Variants in TEX2 observed in about 807,000 individuals in gnomAD.
The protein encoded by TEX2 is testis-expressed protein 2.
TEX2 carries 53 observed loss-of-function variants against 106.9 expected under a neutral mutation model. The observed-to-expected ratio is 0.50, with a 90% CI of 0.40 to 0.62. The LOEUF (loss-of-function observed/expected upper bound fraction) is 0.62. TEX2 is among the 20% of genes least tolerant of loss of function. The pLI, the probability that TEX2 is intolerant of heterozygous loss-of-function variation, is 0.00. For synonymous variants in TEX2, 523 were observed against 534.8 expected, an observed-to-expected ratio of 0.98 and a Z score of 0.30; for missense variants, 1,207 against 1,379.0, an observed-to-expected ratio of 0.88 and a Z score of 1.98.
In TEX2 at chr17:64,185,710, G is replaced by A. The variant is rs1027641577; in HGVS notation, c.2424+2458C>T. Among the ~76,000 whole-genome samples the A allele has an allele frequency of 6.6e-5, 10 of 152,132 alleles. No individual in the cohort carries two copies. Among genetic ancestry groups the A allele is most frequent in the African/African-American group, 2.4e-4 (10 of 41,418 alleles). On this transcript the variant is annotated intron_variant, in intron 5 of 11. Coordinates refer to ENST00000584379, the MANE Select transcript of TEX2 (RefSeq NM_001288732.2). The surrounding 1 kb of genome is among the most constrained non-coding windows in gnomAD (Gnocchi z 4.0). ...GGCCGAGGAGAGTGGATCACCAGAGGTCAGGAGTTCAAGACCAGCCTGGCC... is the reference window on the plus strand; with the variant it reads ...GGCCGAGGAGAGTGGATCACCAGAGATCAGGAGTTCAAGACCAGCCTGGCC...
In TEX2 at chr17:64,188,405, A is replaced by G. The variant is rs568906826; in HGVS notation, c.2187T>C (p.Pro729=). ...ACGGACTGTTGTGTCTGCTGTGTGCAGGCAAAAGCCCTGGAGCCAAGAAGA... is the reference window on the plus strand; with the variant it reads ...ACGGACTGTTGTGTCTGCTGTGTGCGGGCAAAAGCCCTGGAGCCAAGAAGA... ...GVSGGKPGLL[P]AHSRHNSPSG... is the part of the protein sequence containing the mutation. The change falls in exon 5 of 12, where the codon CCT becomes CCC. Residue 729 remains proline (P), a synonymous_variant. Coordinates refer to ENST00000584379, the MANE Select transcript of TEX2 (RefSeq NM_001288732.2). 6.2e-7 allele frequency: 1 copy of G among 1,614,220 alleles called. No individual in the cohort carries two copies. The highest frequency in any genetic ancestry group is 1.3e-5 in the African/African-American group (1 of 75,060).
At chr17:64,192,143 G>A (rs1045606510) in intron 4 of TEX2, among the ~76,000 whole-genome samples, 1 of 152,158 alleles carries the variant, frequency 6.6e-6, no homozygotes, top group African/African-American at 2.4e-5. Context: ...GTGCTGAGGA[G>A]TTCTTACCCA....
At chr17:64,169,216 T>C (rs1212724892) in intron 7 of TEX2, among the ~76,000 whole-genome samples, 2 of 152,136 alleles carry the variant, frequency 1.3e-5, no homozygotes, top group Non-Finnish European at 2.9e-5. Context: ...CTTTTGTATT[T>C]TTAGTAGAGA....
chr17:64,250,756 A>C (rs1303548540), intron 1 of TEX2, among the ~76,000 whole-genome samples: 2 of 152,114 alleles, frequency 1.3e-5, no homozygotes, highest in Non-Finnish European at 2.9e-5. Flanking sequence ...ATCTTGGCTC[A>C]CTGTAACCTC....
At chr17:64,172,844 G>A (rs868349965) in intron 6 of TEX2, among the ~76,000 whole-genome samples, 13 of 151,974 alleles carry the variant, frequency 8.6e-5, no homozygotes, top group South Asian at 2.1e-4. Context: ...AAATCTATCC[G>A]TAGGAATTTA....
In TEX2 at chr17:64,175,509, C is replaced by T. The variant is rs568830341; in HGVS notation, c.2571+1816G>A. 2.0e-5 allele frequency among the ~76,000 whole-genome samples: 3 copies of T among 152,330 alleles called. No individual in the cohort carries two copies. The South Asian group carries it at 6.2e-4, about 32-fold the overall frequency. ...CTCCAGGAGGACGGGGGCACCTTCA[C>T]AAATAGGGCAGAGGCTCTGTGGACT... is the stretch of plus-strand genomic sequence containing the variant. On this transcript the variant is annotated intron_variant, in intron 6 of 11. Transcript: ENST00000584379.
chr17:64,173,268 C>G (rs953547460), intron 6 of TEX2, among the ~76,000 whole-genome samples: 1 of 152,064 alleles, frequency 6.6e-6, no homozygotes, highest in Non-Finnish European at 1.5e-5. Context: ...AAGTCCCTCT[C>G]CTTTTTTTTT....
chr17:64,184,141 C>T (rs2031987274), intron 5 of TEX2, among the ~76,000 whole-genome samples: 2 of 152,214 alleles, frequency 1.3e-5, no homozygotes, highest in Admixed American at 1.3e-4. Context: ...CTCTGTTGCT[C>T]AGGTTGAAGT....
At chr17:64,245,002 C>T (rs2033960814) in intron 1 of TEX2, among the ~76,000 whole-genome samples, 1 of 152,104 alleles carries the variant, frequency 6.6e-6, no homozygotes, top group Non-Finnish European at 1.5e-5. Context: ...AATTTTGGGC[C>T]TTTCTTCAAA....
chr17:64,223,968 T>C (rs2033437544), intron 1 of TEX2, among the ~76,000 whole-genome samples: 1 of 152,208 alleles, frequency 6.6e-6, no homozygotes, highest in Admixed American at 6.5e-5. Context: ...GGGGCAAGCC[T>C]GGTGTCGAGT....
chr17:64,193,463 G>GGTTCCTTC, intron 4 of TEX2, 96 bp downstream of exon 4: 148 of 993,936 alleles, frequency 1.5e-4, no homozygotes, highest in Middle Eastern at 2.2e-4. Context: ...TTCAGGGTGG[G>GGTTCCTTC]CTTCCTTCCT....
rs1555638864 is a variant in TEX2 at position 64,263,249 on chromosome 17, G to C, written c.-107C>G. The C allele has an allele frequency of 2.7e-5, 4 of 149,390 alleles. No homozygotes were observed. The highest frequency in any genetic ancestry group is 1.9e-4 in the South Asian group (1 of 5,250). The allele number at this position is 149,390 out of a possible 1,614,324, so 9.3% of individuals were successfully genotyped here. A position where few individuals can be genotyped will look rare whatever the true frequency, so the allele number is the denominator to read the frequency against. On this transcript the variant is annotated 5_prime_UTR_variant, in exon 1 of 12. Transcript: ENST00000584379. ...CGACTCCGGCTTCGGCTGGGGCACC[G>C]GCCGCGGTCCTGCTGCCCTGCCGCC... is the stretch of plus-strand genomic sequence containing the variant.
intron 7 of TEX2, among the ~76,000 whole-genome samples, chr17:64,168,253 G>A (rs943203463): frequency 2.0e-5 from 3 of 152,000 alleles, no homozygotes; most frequent in Non-Finnish European, 4.4e-5. Context: ...TTTCTTTCAC[G>A]GTCATTTCTG....
At chr17:64,241,775 G>C (rs1043522430) in intron 1 of TEX2, among the ~76,000 whole-genome samples, 2 of 152,100 alleles carry the variant, frequency 1.3e-5, no homozygotes, top group Non-Finnish European at 2.9e-5. Context: ...TAGGACTACA[G>C]GCACATGCCA....
At chr17:64,189,471 T>A (rs1417151147) in intron 4 of TEX2, among the ~76,000 whole-genome samples, 1 of 151,976 alleles carries the variant, frequency 6.6e-6, no homozygotes, top group Non-Finnish European at 1.5e-5. Flanking sequence ...TGGAGGCCAG[T>A]GAGAGATTCA....
At chr17:64,159,107 C>CG (rs2030766777) in intron 8 of TEX2, among the ~76,000 whole-genome samples, 1 of 152,112 alleles carries the variant, frequency 6.6e-6, no homozygotes, top group Admixed American at 6.5e-5. Context: ...AACTGGGCTA[C>CG]GAGGGCTGCA....
In TEX2 at chr17:64,154,928, C is replaced by T. The variant is rs759738114; in HGVS notation, c.2844G>A (p.Glu948=). 1 of 1,607,470 alleles carries T rather than the reference C, an allele frequency of 6.2e-7. No individual in the cohort carries two copies. The highest frequency in any genetic ancestry group is 2.2e-5 in the East Asian group (1 of 44,498). ...CGGAGGAGCCAGCGCTGGAGGATTC[C>T]TCATCGCTGTCCGCCAGACAGAATG... The part of the protein sequence containing the change: ...PRAFCLADSD[E]ESSSAGSSEE... Residue 948 remains glutamate (E), a synonymous_variant, in exon 9 of 12, where the codon GAG becomes GAA. Coordinates refer to ENST00000584379, the MANE Select transcript of TEX2 (RefSeq NM_001288732.2).
chr17:64,206,007 G>A (rs1471333887), intron 2 of TEX2, among the ~76,000 whole-genome samples: 1 of 152,160 alleles, frequency 6.6e-6, no homozygotes, highest in Non-Finnish European at 1.5e-5. Context: ...GAAATCTTCA[G>A]GAAGCTTTTC....
chr17:64,187,523 CTTT>C (rs2032121254), intron 5 of TEX2, among the ~76,000 whole-genome samples: 1 of 152,164 alleles, frequency 6.6e-6, no homozygotes, highest in Non-Finnish European at 1.5e-5. Context: ...CCTCCCACTC[CTTT>C]TTTCCCTCTA....
Sources: gnomAD v4.1 joint callset for allele counts (sites outside exome capture counted in the v4.1 genomes callset) on GRCh38, gnomAD v4.1.1 for gene constraint, Gnocchi (gnomAD v3.1) non-coding constraint, MANE v1.5 for transcripts, NCBI Gene and HGNC (gene_info 2026-07-23, HGNC 2026-07-21) for gene names.